LDLRAD3: variants seen among roughly 807,000 people sequenced by gnomAD.
LDLRAD3 encodes low-density lipoprotein receptor class A domain-containing protein 3.
In LDLRAD3, 20 loss-of-function variants were observed where a neutral mutation model predicts 29.4. The observed-to-expected ratio is 0.68, with a 90% CI of 0.48 to 0.99. LDLRAD3 has a LOEUF of 0.99. LDLRAD3 is among the 50% of genes least tolerant of loss of function. The probability of loss-of-function intolerance (pLI) is 0.00; values close to 1 mark genes in which losing one functional copy is unlikely to be tolerated. For synonymous variants in LDLRAD3, 157 were observed against 192.7 expected (o/e 0.81, Z 1.53); for missense variants, 420 against 454.3 (o/e 0.92, Z 0.69).
intron 1 of LDLRAD3, among the ~76,000 whole-genome samples, chr11:35,952,768 G>T (rs1851153623): frequency 6.6e-6 from 1 of 152,176 alleles, no homozygotes; most frequent in African/African-American, 2.4e-5. Context: ...CAGTACTGAT[G>T]ATAATGCCTC....
chr11:35,951,058 G>A (rs1851128121), intron 1 of LDLRAD3, among the ~76,000 whole-genome samples: 2 of 151,964 alleles, frequency 1.3e-5, no homozygotes, highest in South Asian at 4.2e-4. Context: ...CTCCAGCCTG[G>A]GTGACATAGT....
intron 4 of LDLRAD3, among the ~76,000 whole-genome samples, chr11:36,143,905 CCTCTCCCTCT>C (rs1854124110): frequency 1.9e-5 from 1 of 52,514 alleles, no homozygotes; most frequent in South Asian, 4.9e-4. Context: ...TTGGAGGCTC[CCTCTCCCTCT>C]CCCTCTCCCC....
intron 1 of LDLRAD3, among the ~76,000 whole-genome samples, chr11:36,035,738 G>A (rs1852295195): frequency 6.6e-6 from 1 of 152,166 alleles, no homozygotes; most frequent in Non-Finnish European, 1.5e-5. Context: ...TGGAGACATT[G>A]GGAGTCCAGT....
At chr11:35,980,323 A>G (rs1186209424) in intron 1 of LDLRAD3, among the ~76,000 whole-genome samples, 1 of 152,136 alleles carries the variant, frequency 6.6e-6, no homozygotes, top group African/African-American at 2.4e-5. Flanking sequence ...CATTGGCTTT[A>G]TTGGGATGGG....
chr11:35,963,429 G>C (rs1340434906), intron 1 of LDLRAD3, among the ~76,000 whole-genome samples: 1 of 128,518 alleles, frequency 7.8e-6, no homozygotes, highest in Non-Finnish European at 1.7e-5. Context: ...CTGTGTGTGT[G>C]TGTGTTTTTT....
intron 4 of LDLRAD3, among the ~76,000 whole-genome samples, chr11:36,107,599 C>G (rs955891779): frequency 6.6e-6 from 1 of 152,162 alleles, no homozygotes; most frequent in African/African-American, 2.4e-5. Flanking sequence ...CATGTCTTTA[C>G]TGTATTTTTT....
At chr11:36,090,465 G>T (rs1321392912) in intron 3 of LDLRAD3, among the ~76,000 whole-genome samples, 1 of 152,142 alleles carries the variant, frequency 6.6e-6, no homozygotes, top group Non-Finnish European at 1.5e-5. Flanking sequence ...TTTATTTCTG[G>T]GGGAAGGTTT....
At chr11:35,951,307 ATAATT>A (rs1379603095) in intron 1 of LDLRAD3, among the ~76,000 whole-genome samples, 1 of 152,208 alleles carries the variant, frequency 6.6e-6, no homozygotes, top group African/African-American at 2.4e-5. Context: ...ACACAGAGAC[ATAATT>A]TAATGAGCTC....
intron 1 of LDLRAD3, among the ~76,000 whole-genome samples, chr11:35,961,035 G>T (rs1440963792): frequency 6.6e-6 from 1 of 152,238 alleles, no homozygotes; most frequent in Non-Finnish European, 1.5e-5. Flanking sequence ...TTAAGAGGCG[G>T]TTGTTCTACT....
At chr11:36,110,017 G>C (rs1178152995) in intron 4 of LDLRAD3, 1 of 152,236 alleles carries the variant, frequency 6.6e-6, no homozygotes, top group African/African-American at 2.4e-5. Context: ...CAGCTGGGCT[G>C]AGAGAGGCAA....
At chr11:36,112,441 G>T (rs1162353740) in intron 4 of LDLRAD3, among the ~76,000 whole-genome samples, 1 of 152,204 alleles carries the variant, frequency 6.6e-6, no homozygotes, top group Non-Finnish European at 1.5e-5. Flanking sequence ...CAGAGTGCCA[G>T]GGGACTTAAT....
At chr11:36,108,752 TG>T (rs1565228652) in intron 4 of LDLRAD3, among the ~76,000 whole-genome samples, 1 of 152,066 alleles carries the variant, frequency 6.6e-6, no homozygotes, top group African/African-American at 2.4e-5. Flanking sequence ...GTGGCTGCCC[TG>T]GGGTGGATGT....
chr11:35,959,943 A>G (rs928664369), intron 1 of LDLRAD3, among the ~76,000 whole-genome samples: 6 of 152,218 alleles, frequency 3.9e-5, no homozygotes, highest in Non-Finnish European at 2.9e-5. Flanking sequence ...CGCCAAAAAA[A>G]GAAAAATGTA....
chr11:36,038,038 A>C (rs1166435100), intron 2 of LDLRAD3, among the ~76,000 whole-genome samples: 1 of 152,082 alleles, frequency 6.6e-6, no homozygotes, highest in Non-Finnish European at 1.5e-5. Context: ...CTGGGACCAC[A>C]GGAGTGCGCC....
At chr11:36,100,699 A>G (rs1853433421) in intron 4 of LDLRAD3, among the ~76,000 whole-genome samples, 1 of 152,230 alleles carries the variant, frequency 6.6e-6, no homozygotes, top group Non-Finnish European at 1.5e-5. Flanking sequence ...AGCCTCCCCA[A>G]GTGCCGGGAT....
At chr11:36,177,984 G>A (rs533545918) in intron 4 of LDLRAD3, among the ~76,000 whole-genome samples, 30 of 152,308 alleles carry the variant, frequency 2.0e-4, no homozygotes, top group African/African-American at 6.3e-4. Context: ...GTCTCATGGA[G>A]TTTGCAGTGG....
intron 4 of LDLRAD3, among the ~76,000 whole-genome samples, chr11:36,173,968 A>G (rs201962164): frequency 6.6e-6 from 1 of 152,220 alleles, no homozygotes; most frequent in Non-Finnish European, 1.5e-5. Context: ...AAACTACACT[A>G]CAAGGCTACA....
intron 4 of LDLRAD3, among the ~76,000 whole-genome samples, chr11:36,191,403 C>T (rs1008260401): frequency 1.3e-5 from 2 of 151,364 alleles, no homozygotes; most frequent in African/African-American, 2.4e-5. Context: ...TATAGCTGGG[C>T]GTGGTGGTGC....
chr11:35,999,034 A>G (rs1418596627), intron 1 of LDLRAD3, among the ~76,000 whole-genome samples: 3 of 152,228 alleles, frequency 2.0e-5, no homozygotes, highest in Non-Finnish European at 4.4e-5. Flanking sequence ...TGGATGTGTG[A>G]TAACAATGAA....
Sources: gnomAD v4.1 joint callset for allele counts (sites outside exome capture counted in the v4.1 genomes callset) on GRCh38, gnomAD v4.1.1 for gene constraint, MANE v1.5 for transcripts, NCBI Gene and HGNC (gene_info 2026-07-23, HGNC 2026-07-21) for gene names.